The following ANKFY1 variants were observed in gnomAD, a reference collection of about 807,000 sequenced individuals.
ANKFY1 encodes ankyrin repeat and FYVE domain-containing protein 1.
In ANKFY1, 47 loss-of-function variants were observed where a neutral mutation model predicts 128.3. The observed-to-expected ratio is 0.37, with a 90% CI of 0.29 to 0.47. ANKFY1 has a LOEUF of 0.47. ANKFY1 is among the 20% of genes least tolerant of loss of function. The pLI is 1.00. For missense variants in ANKFY1, 1,222 were observed against 1,510.6 expected (o/e 0.81, Z 3.17); for synonymous variants, 553 against 601.6 (o/e 0.92, Z 1.18).
intron 8 of ANKFY1, among the ~76,000 whole-genome samples, chr17:4,196,153 AC>A (rs2059821256): frequency 5.2e-5 from 1 of 19,334 alleles, no homozygotes; most frequent in Non-Finnish European, 1.7e-4. Flanking sequence ...CTACACACAC[AC>A]ACACACACAC....
At position 4,186,805 on chromosome 17, in the gene ANKFY1, C is replaced by G. The variant is rs368738855; in HGVS notation, c.1471-1759G>C. ...GTGCTGATCTACTCCACGGCTTCTGCCATTATCTGCAAGGAAGAGACTCTC... is the reference window on the plus strand; with the variant it reads ...GTGCTGATCTACTCCACGGCTTCTGGCATTATCTGCAAGGAAGAGACTCTC... On this transcript the variant is annotated intron_variant, in intron 11 of 24. Transcript: ENST00000341657. The G allele has an allele frequency of 4.6e-5, 46 of 990,252 alleles. No individual in the cohort carries two copies. In the East Asian group the frequency reaches 3.6e-3, roughly 78 times the overall value. 61.3% of individuals were successfully genotyped at this position (990,252 alleles called of 1,614,324 possible). A position where few individuals can be genotyped will look rare whatever the true frequency, so the allele number is the denominator to read the frequency against.
Position 4,178,652 on chromosome 17 carries a change from T to C in ANKFY1, c.2598+205A>G. On this transcript the variant is annotated intron_variant, in intron 18 of 24. Coordinates refer to ENST00000341657, the MANE Select transcript of ANKFY1 (RefSeq NM_001330063.2). This position sits in a 1 kb window ranked among gnomAD's most constrained non-coding sequence, Gnocchi z 4.1. ...CTCCGCTTCCATCGAAGCCGGGCAC[T>C]GTCAGGCGCTGACACACAGGCAGAG... is the stretch of plus-strand genomic sequence containing the variant. 1.7e-6 allele frequency: 1 copy of C among 596,662 alleles called. No individual in the cohort carries two copies. Among genetic ancestry groups the C allele is most frequent in the Non-Finnish European group, 3.0e-6 (1 of 336,232 alleles). The allele number at this position is 596,662 out of a possible 1,614,324, so 37.0% of individuals were successfully genotyped here.
At chr17:4,249,999 G>A (rs1289695524) in intron 1 of ANKFY1, among the ~76,000 whole-genome samples, 1 of 151,990 alleles carries the variant, frequency 6.6e-6, no homozygotes. Flanking sequence ...TGTAGCCTCC[G>A]ACTCTCAACC....
At chr17:4,185,290 T>C (rs577414840) in intron 11 of ANKFY1, among the ~76,000 whole-genome samples, 1 of 152,072 alleles carries the variant, frequency 6.6e-6, no homozygotes, top group East Asian at 1.9e-4. Context: ...ACTGCAACCT[T>C]TGCCTCCCGG....
intron 8 of ANKFY1, among the ~76,000 whole-genome samples, chr17:4,196,211 G>A (rs1054026024): frequency 1.4e-5 from 2 of 139,766 alleles, no homozygotes; most frequent in Non-Finnish European, 3.1e-5. Context: ...TATTGCCGTT[G>A]GAGGAAAAAA....
chr17:4,169,330 G>A lies in ANKFY1; in HGVS notation c.3287-42C>T, dbSNP rs370750034. ...AGGCCCGGTCCCGTCAAACCGCGACGGCGCCACGCAAGCCCCAGGGCTTGG... is the reference window on the plus strand; with the variant it reads ...AGGCCCGGTCCCGTCAAACCGCGACAGCGCCACGCAAGCCCCAGGGCTTGG... On this transcript the variant is annotated intron_variant, in intron 23 of 24. Coordinates refer to ENST00000341657, the MANE Select transcript of ANKFY1 (RefSeq NM_001330063.2). The surrounding 1 kb of genome is among the most constrained non-coding windows in gnomAD (Gnocchi z 5.0). The A allele has an allele frequency of 6.7e-5, 99 of 1,468,862 alleles. No homozygotes were observed. The highest frequency in any genetic ancestry group is 8.3e-5 in the Non-Finnish European group (89 of 1,076,150). 91.0% of individuals were successfully genotyped at this position (1,468,862 alleles called of 1,614,324 possible).
At chr17:4,185,847 C>T (rs1475274972) in intron 11 of ANKFY1, among the ~76,000 whole-genome samples, 2 of 152,096 alleles carry the variant, frequency 1.3e-5, no homozygotes, top group Non-Finnish European at 2.9e-5. Flanking sequence ...GCCGCGCAGC[C>T]CCCGCCCGGA....
intron 11 of ANKFY1, chr17:4,188,184 C>T (rs931833286): frequency 6.6e-6 from 1 of 152,166 alleles, no homozygotes; most frequent in Non-Finnish European, 1.5e-5. Context: ...TCACTCTGGC[C>T]GGTGGGCACG....
In ANKFY1 at chr17:4,172,686, A is replaced by G; in HGVS notation, c.3015-6T>C. ...TGTGCAGTGGTGACTGGCCTCTGAT[A>G]AAACAAGTTGGAAAAGTTAGGAATG... On this transcript the variant is annotated splice_polypyrimidine_tract_variant and splice_region_variant and intron_variant, in intron 21 of 24. Transcript: ENST00000341657. 1 of 1,613,688 alleles carries G rather than the reference A, an allele frequency of 6.2e-7. No individual in the cohort carries two copies. The highest frequency in any genetic ancestry group is 8.5e-7 in the Non-Finnish European group (1 of 1,179,854).
At chr17:4,170,938 G>T in intron 22 of ANKFY1, 77 bp from the exon 23 acceptor site, 1 of 1,600,776 alleles carries the variant, frequency 6.2e-7, no homozygotes. Context: ...GCGGAGGACA[G>T]CCAAGGGCAG....
At position 4,184,763 on chromosome 17, in the gene ANKFY1, A is replaced by T. The variant is rs1598030318; in HGVS notation, c.1699+55T>A. Reference sequence around the variant, plus strand: ...AAAAACATCAACTCTGTAACTAAGGATCCTAAACTGCTGTCCCCAAGTCAA... The same window carrying T: ...AAAAACATCAACTCTGTAACTAAGGTTCCTAAACTGCTGTCCCCAAGTCAA... On this transcript the variant is annotated intron_variant, in intron 12 of 24. Coordinates refer to ENST00000341657, the MANE Select transcript of ANKFY1 (RefSeq NM_001330063.2). 17 of 1,558,100 alleles carry T rather than the reference A, an allele frequency of 1.1e-5. No homozygotes were observed. In the East Asian group the frequency reaches 3.8e-4, roughly 35 times the overall value.
At chr17:4,209,448 GCACC>G (rs2060087244) in intron 5 of ANKFY1, among the ~76,000 whole-genome samples, 1 of 152,160 alleles carries the variant, frequency 6.6e-6, no homozygotes, top group Non-Finnish European at 1.5e-5. Context: ...CTACAGGCAC[GCACC>G]ACTGAGCCCA....
chr17:4,201,192 G>A (rs1484232892), intron 7 of ANKFY1, among the ~76,000 whole-genome samples: 3 of 152,136 alleles, frequency 2.0e-5, no homozygotes, highest in Non-Finnish European at 4.4e-5. Flanking sequence ...CACCCTGCCT[G>A]GCTCATTTGA....
intron 23 of ANKFY1, 103 bp downstream of exon 23, chr17:4,170,612 G>A (rs1219690880): frequency 6.1e-6 from 9 of 1,480,834 alleles, no homozygotes; most frequent in Non-Finnish European, 8.2e-6. Context: ...GAGCGGTTCC[G>A]ATCCTAAGGC....
At chr17:4,246,206 T>G (rs1967532271) in intron 1 of ANKFY1, among the ~76,000 whole-genome samples, 1 of 152,052 alleles carries the variant, frequency 6.6e-6, no homozygotes, top group Non-Finnish European at 1.5e-5. Context: ...GTAAAGAAAA[T>G]GTTCCAGAAA....
intron 20 of ANKFY1, 123 bp from the exon 21 acceptor site, chr17:4,173,567 C>G (rs971001395): frequency 2.2e-5 from 19 of 872,726 alleles, no homozygotes; most frequent in Admixed American, 6.0e-5. Context: ...TGGCCACGCA[C>G]AGAGCCATCC....
intron 7 of ANKFY1, among the ~76,000 whole-genome samples, chr17:4,201,296 T>G (rs1179775821): frequency 6.6e-6 from 1 of 152,208 alleles, no homozygotes; most frequent in African/African-American, 2.4e-5. Context: ...CCACCCAAAG[T>G]GCTGGTATGA....
chr17:4,173,148 G>A (rs1448232766), intron 21 of ANKFY1, among the ~76,000 whole-genome samples: 4 of 152,220 alleles, frequency 2.6e-5, no homozygotes, highest in African/African-American at 9.6e-5. Flanking sequence ...GAGCCACTGC[G>A]CCCGGCCAAA....
chr17:4,211,691 G>A (rs941788124), intron 4 of ANKFY1, among the ~76,000 whole-genome samples: 4 of 152,074 alleles, frequency 2.6e-5, no homozygotes, highest in Non-Finnish European at 4.4e-5. Flanking sequence ...AACACAGCAA[G>A]ACCCTGTCTC....
Sources: gnomAD v4.1 joint callset for allele counts (sites outside exome capture counted in the v4.1 genomes callset) on GRCh38, gnomAD v4.1.1 for gene constraint, Gnocchi (gnomAD v3.1) non-coding constraint, MANE v1.5 for transcripts, NCBI Gene and HGNC (gene_info 2026-07-23, HGNC 2026-07-21) for gene names.